Variants in RPS6KC1 observed in about 807,000 individuals in gnomAD.
RPS6KC1 encodes inactive ribosomal protein S6 kinase delta-1.
RPS6KC1 carries 54 observed loss-of-function variants against 103.8 expected under a neutral mutation model. The observed-to-expected ratio is 0.52, with a 90% confidence interval of 0.42 to 0.65. RPS6KC1 has a LOEUF of 0.65. Ranked by LOEUF, RPS6KC1 falls within the 30% of genes least tolerant of loss-of-function variation. The probability of loss-of-function intolerance (pLI) is 0.00; values close to 1 mark genes in which losing one functional copy is unlikely to be tolerated. For synonymous variants in RPS6KC1, 439 were observed against 438.7 expected (o/e 1.00, Z -0.01); for missense variants, 1,151 against 1,253.8 (o/e 0.92, Z 1.24).
the RPS6KC1 span, among the ~76,000 whole-genome samples, chr1:213,303,608 C>T: frequency 6.6e-6 from 1 of 152,084 alleles, no homozygotes; most frequent in Non-Finnish European, 1.5e-5. Flanking sequence ...CTGACAAAGG[C>T]GCGAGTGTAG....
the RPS6KC1 span, among the ~76,000 whole-genome samples, chr1:213,732,778 G>A: frequency 3.1e-4 from 47 of 152,224 alleles, no homozygotes; most frequent in African/African-American, 7.9e-4. Flanking sequence ...ATATGAGGAT[G>A]AAAATATATT....
chr1:213,614,450 A>T, the RPS6KC1 span, among the ~76,000 whole-genome samples: 11 of 152,316 alleles, frequency 7.2e-5, no homozygotes, highest in South Asian at 2.3e-3. Flanking sequence ...GTCTGTTGCA[A>T]AGCACCTTTA....
At chr1:213,070,316 T>C (rs2078752310) in intron 1 of RPS6KC1, among the ~76,000 whole-genome samples, 1 of 152,214 alleles carries the variant, frequency 6.6e-6, no homozygotes, top group Non-Finnish European at 1.5e-5. Flanking sequence ...CTTGTTAGAA[T>C]TATGTTAATT....
chr1:213,761,119 C>G, the RPS6KC1 span, among the ~76,000 whole-genome samples: 1 of 151,772 alleles, frequency 6.6e-6, no homozygotes, highest in Non-Finnish European at 1.5e-5. Context: ...TTCCAAGGGG[C>G]CAGGGTTGAG....
At chr1:213,718,048 A>G in the RPS6KC1 span, among the ~76,000 whole-genome samples, 3 of 152,232 alleles carry the variant, frequency 2.0e-5, no homozygotes, top group African/African-American at 7.2e-5. Flanking sequence ...TCATCTGTCT[A>G]TTCTGATTCC....
intron 6 of RPS6KC1, among the ~76,000 whole-genome samples, chr1:213,142,462 A>G (rs1435898290): frequency 1.3e-5 from 2 of 152,034 alleles, no homozygotes; most frequent in African/African-American, 4.8e-5. Context: ...GAGTTCTTGC[A>G]CTGGTTCTTT....
intron 6 of RPS6KC1, among the ~76,000 whole-genome samples, chr1:213,149,494 G>T (rs1044166295): frequency 2.6e-5 from 4 of 151,974 alleles, no homozygotes; most frequent in African/African-American, 9.7e-5. Context: ...TTGTTCCATT[G>T]TGGTCAGAGA....
chr1:213,740,722 CAT>C, the RPS6KC1 span, among the ~76,000 whole-genome samples: 2 of 145,420 alleles, frequency 1.4e-5, no homozygotes, highest in African/African-American at 5.1e-5. Flanking sequence ...TATATGTACA[CAT>C]ATATACATCT....
chr1:213,115,993 T>A (rs2083555533), intron 4 of RPS6KC1, among the ~76,000 whole-genome samples: 1 of 152,122 alleles, frequency 6.6e-6, no homozygotes, highest in Admixed American at 6.6e-5. Flanking sequence ...AATTTTGTAA[T>A]AGGTGTGGTG....
downstream of RPS6KC1, among the ~76,000 whole-genome samples, chr1:213,275,569 T>C (rs751910706): frequency 1.3e-5 from 2 of 152,198 alleles, no homozygotes; most frequent in African/African-American, 4.8e-5. Flanking sequence ...CAACTTGTTA[T>C]AATGACAACA....
intron 5 of RPS6KC1, among the ~76,000 whole-genome samples, chr1:213,121,777 A>G (rs1469662835): frequency 6.6e-6 from 1 of 152,130 alleles, no homozygotes; most frequent in Non-Finnish European, 1.5e-5. Context: ...GGGGAGGGAC[A>G]TTTTTTCTGG....
chr1:213,823,835 C>G, the RPS6KC1 span, among the ~76,000 whole-genome samples: 12 of 151,876 alleles, frequency 7.9e-5, no homozygotes, highest in East Asian at 3.9e-4. Context: ...CTGTTCTAAA[C>G]TTTTTACATA....
chr1:213,729,732 T>G, the RPS6KC1 span, among the ~76,000 whole-genome samples: 4 of 152,154 alleles, frequency 2.6e-5, no homozygotes, highest in Non-Finnish European at 4.4e-5. Flanking sequence ...CTTTTTTTAT[T>G]TTTATTTTTA....
the RPS6KC1 span, among the ~76,000 whole-genome samples, chr1:213,519,875 A>G: frequency 5.1e-4 from 77 of 152,326 alleles, no homozygotes; most frequent in Middle Eastern, 6.8e-3. Context: ...ACTTTTATTT[A>G]TGTGGGATCT....
chr1:213,465,102 A>G, the RPS6KC1 span, among the ~76,000 whole-genome samples: 6 of 152,104 alleles, frequency 3.9e-5, no homozygotes, highest in African/African-American at 1.2e-4. Context: ...CTAGATCCAG[A>G]TTTATCTGTA....
the RPS6KC1 span, among the ~76,000 whole-genome samples, chr1:213,686,537 T>C: frequency 1.4e-4 from 21 of 152,332 alleles, no homozygotes; most frequent in African/African-American, 5.1e-4. Context: ...TGAACTTCCT[T>C]ATTTTTTAAA....
At chr1:213,297,682 G>T in the RPS6KC1 span, among the ~76,000 whole-genome samples, 1 of 152,234 alleles carries the variant, frequency 6.6e-6, no homozygotes, top group East Asian at 1.9e-4. Flanking sequence ...AGCCTGGAAT[G>T]TAGTGGTAAC....
chr1:213,184,569 C>A (rs2092439263), intron 8 of RPS6KC1, among the ~76,000 whole-genome samples: 1 of 151,408 alleles, frequency 6.6e-6, no homozygotes, highest in African/African-American at 2.4e-5. Context: ...CTTTCTAGAT[C>A]CTTGAAGTAC....
the RPS6KC1 span, among the ~76,000 whole-genome samples, chr1:213,771,647 A>G: frequency 6.6e-6 from 1 of 152,224 alleles, no homozygotes; most frequent in Non-Finnish European, 1.5e-5. Context: ...ACAGCAACTT[A>G]TACTTACATA....
Sources: gnomAD v4.1 joint callset for allele counts (sites outside exome capture counted in the v4.1 genomes callset) on GRCh38, gnomAD v4.1.1 for gene constraint, MANE v1.5 for transcripts, NCBI Gene and HGNC (gene_info 2026-07-23, HGNC 2026-07-21) for gene names.